JAK2: variants seen among roughly 807,000 people sequenced by gnomAD.
JAK2 encodes tyrosine-protein kinase JAK2.
In JAK2, 86 loss-of-function variants were observed where a neutral mutation model predicts 139.3. That is an observed-to-expected ratio of 0.62 (90% CI 0.52 to 0.74). The LOEUF is 0.74. JAK2 is among the 30% of genes least tolerant of loss of function. The probability of loss-of-function intolerance (pLI) is 0.00; values close to 1 mark genes in which losing one functional copy is unlikely to be tolerated. For synonymous variants in JAK2, 490 were observed against 437.7 expected (o/e 1.12, Z -1.49); for missense variants, 1,421 against 1,360.3 (o/e 1.04, Z -0.70).
chr9:5,020,284 G>A (rs148690782), intron 2 of JAK2, among the ~76,000 whole-genome samples: 4 of 152,286 alleles, frequency 2.6e-5, no homozygotes, highest in African/African-American at 9.6e-5. Flanking sequence ...AGACCCCCAG[G>A]TGGAATGCTC....
At chr9:5,092,152 G>A (rs1334920558) in intron 22 of JAK2, among the ~76,000 whole-genome samples, 3 of 151,974 alleles carry the variant, frequency 2.0e-5, no homozygotes, top group Admixed American at 6.6e-5. Context: ...TCATGAGGTG[G>A]CAAGAAATGG....
chr9:5,084,432 C>G (rs1482615287), intron 19 of JAK2, among the ~76,000 whole-genome samples: 2 of 151,992 alleles, frequency 1.3e-5, no homozygotes, highest in Admixed American at 1.3e-4. Flanking sequence ...CTACTGTATC[C>G]CTTTGTTATC....
chr9:5,041,842 A>T (rs1446032722), intron 4 of JAK2: 12 of 474,524 alleles, frequency 2.5e-5, no homozygotes, highest in Non-Finnish European at 4.6e-5. Context: ...ACCAATGGGG[A>T]GCTGAACGCG....
At chr9:5,111,264 A>C (rs1372853851) in intron 22 of JAK2, 1 of 499,302 alleles carries the variant, frequency 2.0e-6, no homozygotes, top group Non-Finnish European at 3.9e-6. Flanking sequence ...AGGCGTGCGC[A>C]GCCTGACTCA....
chr9:5,053,552 G>A (rs116828132), intron 6 of JAK2, among the ~76,000 whole-genome samples: 428 of 152,084 alleles, frequency 2.8e-3, no homozygotes, highest in African/African-American at 1.0e-2. Flanking sequence ...TAGCAACATG[G>A]ATGTCTTTCT....
chr9:5,026,840 A>G (rs1462051457), intron 3 of JAK2, among the ~76,000 whole-genome samples: 1 of 152,222 alleles, frequency 6.6e-6, no homozygotes, highest in Non-Finnish European at 1.5e-5. Flanking sequence ...TTGTTGATGT[A>G]CCTTCTAAAA....
chr9:5,020,856 G>T (rs1822374156), intron 2 of JAK2, among the ~76,000 whole-genome samples: 3 of 152,248 alleles, frequency 2.0e-5, no homozygotes, highest in African/African-American at 4.8e-5. Flanking sequence ...ATATGCAGGG[G>T]CTGTTGGGCT....
At chr9:5,039,924 A>G (rs1031945422) in intron 4 of JAK2, among the ~76,000 whole-genome samples, 3 of 152,226 alleles carry the variant, frequency 2.0e-5, no homozygotes, top group Non-Finnish European at 4.4e-5. Flanking sequence ...TTCCTACTGA[A>G]TTCCTAAATG....
intron 8 of JAK2, among the ~76,000 whole-genome samples, chr9:5,056,177 A>C (rs187311112): frequency 6.6e-6 from 1 of 152,222 alleles, no homozygotes; most frequent in Admixed American, 6.5e-5. Context: ...AAATAAATCA[A>C]TGATGTCTGG....
intron 10 of JAK2, among the ~76,000 whole-genome samples, chr9:5,067,198 A>G (rs1473917622): frequency 6.6e-6 from 1 of 152,152 alleles, no homozygotes; most frequent in East Asian, 1.9e-4. Flanking sequence ...AAACAGAATT[A>G]GAGAAAACTA....
At chr9:5,106,837 G>A (rs968749776) in intron 22 of JAK2, among the ~76,000 whole-genome samples, 2 of 152,100 alleles carry the variant, frequency 1.3e-5, no homozygotes, top group Non-Finnish European at 2.9e-5. Context: ...CTCATAGGTG[G>A]GAGTTGAACA....
chr9:5,088,555 G>T (rs1222415442), intron 19 of JAK2, among the ~76,000 whole-genome samples: 1 of 151,606 alleles, frequency 6.6e-6, no homozygotes, highest in Non-Finnish European at 1.5e-5. Context: ...AAAAAAAAAT[G>T]TAGAGTCATC....
rs2130325483 is a variant in JAK2 at position 5,044,413 on chromosome 9, C to T, written c.361C>T (p.Pro121Ser). 3 of 1,608,180 alleles carry T rather than the reference C, an allele frequency of 1.9e-6. No individual in the cohort carries two copies. Among genetic ancestry groups the T allele is most frequent in the Non-Finnish European group, 2.6e-6 (3 of 1,175,466 alleles). ...NVLYRIRFYF[P>S]RWYCSGSNRA... ...TTTATTATCTTGTAGATTTTACTTT[C>T]CTCGTTGGTATTGCAGTGGCAGCAA... Residue 121 changes from proline (P) to serine (S), a missense_variant, in exon 5 of 25, where the codon CCT becomes TCT. Transcript: ENST00000381652.
intron 2 of JAK2, among the ~76,000 whole-genome samples, chr9:5,004,242 C>G (rs1821120165): frequency 6.6e-6 from 1 of 152,156 alleles, no homozygotes; most frequent in Non-Finnish European, 1.5e-5. Flanking sequence ...CTCCTCCTAT[C>G]TAACAGAAAT....
intron 8 of JAK2, among the ~76,000 whole-genome samples, chr9:5,061,407 T>C (rs553751471): frequency 1.3e-5 from 2 of 152,364 alleles, no homozygotes; most frequent in South Asian, 4.1e-4. Context: ...TGGTCCTTAC[T>C]AGATCTTCTG....
Position 5,026,721 on chromosome 9 carries a change from G to T in JAK2, c.227-3062G>T, listed in dbSNP as rs539223102. Among the ~76,000 whole-genome samples the T allele has an allele frequency of 3.3e-5, 5 of 152,246 alleles. No homozygotes were observed. In the South Asian group the frequency reaches 8.3e-4, roughly 25 times the overall value. ...GTTGTGTTTGTGCTTGTGTGTGTACGTGTATGCGTATGTGTGAATGTTCTA... is the reference window on the plus strand; with the variant it reads ...GTTGTGTTTGTGCTTGTGTGTGTACTTGTATGCGTATGTGTGAATGTTCTA... On this transcript the variant is annotated intron_variant, in intron 3 of 24. Transcript: ENST00000381652.
At chr9:5,028,995 T>C (rs1426586113) in intron 3 of JAK2, among the ~76,000 whole-genome samples, 1 of 152,372 alleles carries the variant, frequency 6.6e-6, no homozygotes, top group East Asian at 1.9e-4. Context: ...CAAAAACTTT[T>C]TCTTTGCATT....
chr9:5,054,559 C>A lies in JAK2; in HGVS notation c.615-4C>A. On this transcript the variant is annotated splice_polypyrimidine_tract_variant and splice_region_variant and intron_variant, in intron 6 of 24. Transcript: ENST00000381652. The surrounding 1 kb of genome is among the most constrained non-coding windows in gnomAD (Gnocchi z 4.9). ...TTTTTCTGTATGTGCTTTTTTATCC[C>A]TAGCTACAAGACATTCTTACCAAAA... The A allele has an allele frequency of 6.5e-7, 1 of 1,548,518 alleles. No homozygotes were observed. Among genetic ancestry groups the A allele is most frequent in the South Asian group, 1.2e-5 (1 of 81,586 alleles).
At chr9:5,050,548 G>C (rs1817343365) in intron 5 of JAK2, 138 bp from the exon 6 acceptor site, 8 of 798,028 alleles carry the variant, frequency 1.0e-5, no homozygotes, top group Non-Finnish European at 1.6e-5. Flanking sequence ...TGGGATTACA[G>C]GCATGAGCCA....
Sources: gnomAD v4.1 joint callset for allele counts (sites outside exome capture counted in the v4.1 genomes callset) on GRCh38, gnomAD v4.1.1 for gene constraint, Gnocchi (gnomAD v3.1) non-coding constraint, MANE v1.5 for transcripts, NCBI Gene and HGNC (gene_info 2026-07-23, HGNC 2026-07-21) for gene names.